RSF1: variants seen among roughly 807,000 people sequenced by gnomAD.
The protein encoded by RSF1 is HBV pX-associated protein 8.
A neutral mutation model predicts 145.2 loss-of-function variants in RSF1; 13 were observed. The ratio of observed to expected loss-of-function variants is 0.09; its 90% CI spans 0.06 to 0.14. RSF1 has a LOEUF of 0.14. Ranked by LOEUF, RSF1 falls within the 10% of genes least tolerant of loss-of-function variation. The pLI is 1.00. For missense variants in RSF1, 1,517 were observed against 1,718.2 expected, an observed-to-expected ratio of 0.88 and a Z score of 2.07; for synonymous variants, 577 against 592.6, an observed-to-expected ratio of 0.97 and a Z score of 0.38.
chr11:77,810,980 G>T (rs943825040), intron 1 of RSF1, among the ~76,000 whole-genome samples: 1 of 152,142 alleles, frequency 6.6e-6, no homozygotes, highest in African/African-American at 2.4e-5. Context: ...GCAGTGGCAT[G>T]ATCAGCCTCA....
At chr11:77,703,562 A>T (rs1284241610) in intron 5 of RSF1, 1 of 152,188 alleles carries the variant, frequency 6.6e-6, no homozygotes. Flanking sequence ...GAATAATGGG[A>T]TGGAAAAAAG....
At chr11:77,742,355 C>G (rs181996617) in intron 3 of RSF1, among the ~76,000 whole-genome samples, 323 of 152,282 alleles carry the variant, frequency 2.1e-3, no homozygotes, top group African/African-American at 7.3e-3. Context: ...TCTCGGCTCA[C>G]TGTAACCTCC....
chr11:77,820,946 C>G, upstream of RSF1: 1 of 555,390 alleles, frequency 1.8e-6, no homozygotes, highest in Non-Finnish European at 3.2e-6. Flanking sequence ...CACTTTCCGC[C>G]CTCTTTCCGC....
intron 9 of RSF1, chr11:77,690,922 G>C (rs1960135801): frequency 2.0e-6 from 1 of 508,862 alleles, no homozygotes; most frequent in Non-Finnish European, 3.5e-6. Flanking sequence ...AATAAAATTT[G>C]AGTATCATAT....
intron 2 of RSF1, chr11:77,764,227 C>T (rs1016328572): frequency 1.1e-5 from 2 of 174,186 alleles, no homozygotes; most frequent in Admixed American, 6.4e-5. Context: ...TCTAGGGGAA[C>T]CACTAAATAA....
chr11:77,832,396 G>A, the RSF1 span, among the ~76,000 whole-genome samples: 3 of 150,422 alleles, frequency 2.0e-5, no homozygotes, highest in South Asian at 2.1e-4. Flanking sequence ...GTGTGATCTC[G>A]GCTCGCTGCA....
Position 77,666,854 on chromosome 11 carries a change from T to A in RSF1, c.*63A>T. Reference sequence around the variant, plus strand: ...CTAGGAAAAATTAAACAGCTTTTAATAACTGGCCCGCTGGTGTGAGAGCTA... The same window carrying A: ...CTAGGAAAAATTAAACAGCTTTTAAAAACTGGCCCGCTGGTGTGAGAGCTA... On this transcript the variant is annotated 3_prime_UTR_variant, in exon 16 of 16. Transcript: ENST00000308488. 7.4e-7 allele frequency: 1 copy of A among 1,356,360 alleles called. No homozygotes were observed. The highest frequency in any genetic ancestry group is 1.7e-5 in the South Asian group (1 of 59,948). The allele number at this position is 1,356,360 out of a possible 1,614,324, so 84.0% of individuals were successfully genotyped here.
the RSF1 span, among the ~76,000 whole-genome samples, chr11:77,853,662 G>T: frequency 6.6e-6 from 1 of 152,126 alleles, no homozygotes; most frequent in African/African-American, 2.4e-5. Flanking sequence ...TTACAGCCAT[G>T]CCAGGCAGTG....
At chr11:77,816,038 G>A (rs557848341) in intron 1 of RSF1, among the ~76,000 whole-genome samples, 22 of 152,028 alleles carry the variant, frequency 1.4e-4, no homozygotes, top group Non-Finnish European at 3.1e-4. Flanking sequence ...CCAAACCTCC[G>A]TAACTTTACT....
Position 77,676,888 on chromosome 11 carries a change from G to C in RSF1, c.3245C>G (p.Ala1082Gly), listed in dbSNP as rs138105030. Residue 1082 changes from alanine (A) to glycine (G), a missense_variant, in exon 13 of 16, where the codon GCT (alanine) becomes GGT (glycine). This residue lies in a region of RSF1 where 231 missense variants were observed against 276.6 expected (regional missense o/e 0.84). Transcript: ENST00000308488. ...TCGCCGGCGTTTCTTCCTTCGAGCA[G>C]CAGCTGCCCTCTGGGGTCGTTTATT... ...KENKRPQRAA[A>G]ARRKKRRRLN... 70 of 1,614,108 alleles carry C rather than the reference G, an allele frequency of 4.3e-5. No homozygotes were observed. In the African/African-American group the frequency reaches 8.7e-4, roughly 20 times the overall value.
intron 2 of RSF1, 51 bp from the exon 3 acceptor site, chr11:77,747,179 T>G: frequency 2.6e-6 from 3 of 1,132,316 alleles, no homozygotes; most frequent in Non-Finnish European, 4.0e-6. Context: ...TTTATTTATG[T>G]TTGCAGGCTT....
At chr11:77,846,164 AG>A in the RSF1 span, among the ~76,000 whole-genome samples, 1 of 152,048 alleles carries the variant, frequency 6.6e-6, no homozygotes, top group Non-Finnish European at 1.5e-5. Flanking sequence ...GTGGCTTCTG[AG>A]GTCTGCTAAT....
At chr11:77,743,706 T>C (rs1419907169) in intron 3 of RSF1, among the ~76,000 whole-genome samples, 2 of 152,232 alleles carry the variant, frequency 1.3e-5, no homozygotes, top group Non-Finnish European at 2.9e-5. Flanking sequence ...AGATGACTTA[T>C]TTCTTTTTGT....
At chr11:77,760,899 C>T (rs181503277) in intron 2 of RSF1, among the ~76,000 whole-genome samples, 211 of 152,170 alleles carry the variant, frequency 1.4e-3, no homozygotes, top group African/African-American at 4.5e-3. Context: ...AGAAAAGACA[C>T]ACTAGGTTAT....
chr11:77,842,733 T>A, the RSF1 span: 1 of 1,477,120 alleles, frequency 6.8e-7, no homozygotes, highest in Non-Finnish European at 9.2e-7. Flanking sequence ...TGTGTCTTTT[T>A]GAGATATAAT....
intron 10 of RSF1, 115 bp from the exon 11 acceptor site, chr11:77,683,934 T>G (rs1959935778): frequency 1.5e-6 from 1 of 673,228 alleles, no homozygotes; most frequent in South Asian, 2.0e-5. Context: ...TCTGAAAAAG[T>G]TTGAGATGAT....
chr11:77,762,626 C>T (rs1420454156), intron 2 of RSF1: 1 of 152,156 alleles, frequency 6.6e-6, no homozygotes, highest in African/African-American at 2.4e-5. Context: ...GAATTACTAA[C>T]AATAGATGAC....
rs1171789380 is a variant in RSF1, at chr11:77,671,106, C to CAAA, written c.3751+933_3751+935dup. On this transcript the variant is annotated intron_variant, in intron 15 of 15. Coordinates refer to ENST00000308488, the MANE Select transcript of RSF1 (RefSeq NM_016578.4). ...GGGTGACAGAGTAAGACTCTGTCAC[C>CAAA]AAAAAAAAAAAAAAAAAAAAAAAAA... Among the ~76,000 whole-genome samples, 9 of 5,532 alleles carry CAAA rather than the reference C, an allele frequency of 1.6e-3. 1 individual carries two copies. The highest frequency in any genetic ancestry group is 3.4e-3 in the African/African-American group (3 of 888). 3.6% of individuals were successfully genotyped at this position (5,532 alleles called of 152,430 possible).
At chr11:77,846,425 C>T in the RSF1 span, among the ~76,000 whole-genome samples, 2 of 152,194 alleles carry the variant, frequency 1.3e-5, no homozygotes, top group South Asian at 4.1e-4. Flanking sequence ...TTGATACCAT[C>T]CTGGCCAACA....
Sources: gnomAD v4.1 joint callset for allele counts (sites outside exome capture counted in the v4.1 genomes callset) on GRCh38, gnomAD v4.1.1 for gene constraint, gnomAD v4.1.1 regional missense constraint, MANE v1.5 for transcripts, NCBI Gene and HGNC (gene_info 2026-07-23, HGNC 2026-07-21) for gene names.